The following ADAMTS2 variants were observed in gnomAD, a reference collection of about 807,000 sequenced individuals.
ADAMTS2 encodes A disintegrin and metalloproteinase with thrombospondin motifs 2.
A neutral mutation model predicts 123.0 loss-of-function variants in ADAMTS2; 50 were observed. The observed-to-expected ratio is 0.41, with a 90% confidence interval of 0.32 to 0.51. The LOEUF (loss-of-function observed/expected upper bound fraction) is 0.51. Ranked by LOEUF, ADAMTS2 falls within the 20% of genes least tolerant of loss-of-function variation. The pLI, the probability that ADAMTS2 is intolerant of heterozygous loss-of-function variation, is 0.35. For missense variants in ADAMTS2, 1,494 were observed against 1,705.2 expected, an observed-to-expected ratio of 0.88 and a Z score of 2.18; for synonymous variants, 678 against 695.4, an observed-to-expected ratio of 0.98 and a Z score of 0.39.
intron 5 of ADAMTS2, among the ~76,000 whole-genome samples, chr5:179,166,538 G>A (rs1020280060): frequency 6.6e-6 from 1 of 152,152 alleles, no homozygotes; most frequent in East Asian, 1.9e-4. Context: ...CAGGGGTCTG[G>A]GTAACCCCAC....
At position 179,192,338 on chromosome 5, in the gene ADAMTS2, C is replaced by T. The variant is rs573083212; in HGVS notation, c.892-11183G>A. The stretch of plus-strand genomic sequence containing the variant: ...GCCAGCGTATCCCTCCCTGAAAGCG[C>T]AGTCATGCAGGGTGCTTTCCAACAC... On this transcript the variant is annotated intron_variant, in intron 4 of 21. Coordinates refer to ENST00000251582, the MANE Select transcript of ADAMTS2 (RefSeq NM_014244.5). Among the ~76,000 whole-genome samples, 5 of 152,346 alleles carry T rather than the reference C, an allele frequency of 3.3e-5. No individual in the cohort carries two copies. In the East Asian group the frequency reaches 9.7e-4, roughly 29 times the overall value.
At chr5:179,135,880 G>GC (rs747872263) in intron 13 of ADAMTS2, 29 bp downstream of exon 13, 4 of 1,612,272 alleles carry the variant, frequency 2.5e-6, no homozygotes, top group South Asian at 2.2e-5. Context: ...TGACACGGTA[G>GC]CCCCCCGTGC....
chr5:179,254,027 C>T (rs1428991760), intron 3 of ADAMTS2, among the ~76,000 whole-genome samples: 3 of 152,204 alleles, frequency 2.0e-5, no homozygotes, highest in Non-Finnish European at 4.4e-5. Context: ...GGGCACAAGG[C>T]CACTTCAGTG....
chr5:179,221,143 G>A (rs1216509304), intron 3 of ADAMTS2, among the ~76,000 whole-genome samples: 1 of 152,172 alleles, frequency 6.6e-6, no homozygotes, highest in Non-Finnish European at 1.5e-5. Flanking sequence ...CTTCCTAGGA[G>A]GAAGAGTTCC....
chr5:179,126,851 A>G (rs1762869123), intron 17 of ADAMTS2, among the ~76,000 whole-genome samples: 1 of 152,060 alleles, frequency 6.6e-6, no homozygotes, highest in African/African-American at 2.4e-5. Flanking sequence ...AGGGCGGTGG[A>G]GGGGCTCAGG....
intron 2 of ADAMTS2, among the ~76,000 whole-genome samples, chr5:179,296,108 A>G (rs1196934078): frequency 1.3e-5 from 2 of 152,180 alleles, no homozygotes; most frequent in Non-Finnish European, 2.9e-5. Context: ...AGTGATGGTG[A>G]AGCAGGAGGA....
chr5:179,309,672 C>T lies in ADAMTS2; in HGVS notation c.534+34095G>A, dbSNP rs188194982. 4.0e-3 allele frequency among the ~76,000 whole-genome samples: 582 copies of T among 146,866 alleles called. 5 individuals carry two copies. The highest frequency in any genetic ancestry group is 0.014 in the African/African-American group (555 of 39,322). On this transcript the variant is annotated intron_variant, in intron 2 of 21. Coordinates refer to ENST00000251582, the MANE Select transcript of ADAMTS2 (RefSeq NM_014244.5). ...ACTCAGGAGGCTAAGGCAGGAGAAT[C>T]GCTTGAACCTGGGAGGCGGAGTTGC...
intron 2 of ADAMTS2, among the ~76,000 whole-genome samples, chr5:179,304,845 C>T (rs1756628049): frequency 6.6e-6 from 1 of 152,104 alleles, no homozygotes; most frequent in South Asian, 2.1e-4. Flanking sequence ...ACCAATTCAA[C>T]AGATCGGCAA....
In ADAMTS2 at chr5:179,314,963, C is replaced by T. The variant is rs1756944653; in HGVS notation, c.534+28804G>A. Among the ~76,000 whole-genome samples, 1 of 152,154 alleles carries T rather than the reference C, an allele frequency of 6.6e-6. No homozygotes were observed. Among genetic ancestry groups the T allele is most frequent in the African/African-American group, 2.4e-5 (1 of 41,432 alleles). Reference sequence around the variant, plus strand: ...CGACTCCCCTCCCAGAGCCTAATCACAGCCAGCTACGCCCCCTTCTCCCAG... The same window carrying T: ...CGACTCCCCTCCCAGAGCCTAATCATAGCCAGCTACGCCCCCTTCTCCCAG... On this transcript the variant is annotated intron_variant, in intron 2 of 21. Coordinates refer to ENST00000251582, the MANE Select transcript of ADAMTS2 (RefSeq NM_014244.5). The surrounding 1 kb of genome is among the most constrained non-coding windows in gnomAD (Gnocchi z 4.5).
Position 179,301,195 on chromosome 5 carries a change from G to T in ADAMTS2, c.535-28131C>A, listed in dbSNP as rs78912572. On this transcript the variant is annotated intron_variant, in intron 2 of 21. Coordinates refer to ENST00000251582, the MANE Select transcript of ADAMTS2 (RefSeq NM_014244.5). ...AGACAGCAGAGGGCATTGCTCAGGG[G>T]CCCAGCCTGGCTGTCATCCCTGAAC... Among the ~76,000 whole-genome samples, 1,243 of 152,012 alleles carry T rather than the reference G, an allele frequency of 8.2e-3. 15 individuals are homozygous for T. The highest frequency in any genetic ancestry group is 0.029 in the African/African-American group (1,194 of 41,442).
chr5:179,189,618 AAGTGCTGGG>A lies in ADAMTS2; in HGVS notation c.892-8472_892-8464del, dbSNP rs1335118815. 6.8e-6 allele frequency among the ~76,000 whole-genome samples: 1 copy of A among 147,328 alleles called. No individual in the cohort carries two copies. The highest frequency in any genetic ancestry group is 1.5e-5 in the Non-Finnish European group (1 of 67,258). On this transcript the variant is annotated intron_variant, in intron 4 of 21. Transcript: ENST00000251582. The surrounding 1 kb of genome is among the most constrained non-coding windows in gnomAD (Gnocchi z 4.2). ...ATGATCTGCCCGCCTCGGCCTCCCAAAGTGCTGGGATTACAGGCGTGAGCCACCGCGCCC... is the reference window on the plus strand; with the variant it reads ...ATGATCTGCCCGCCTCGGCCTCCCAAATTACAGGCGTGAGCCACCGCGCCC...
chr5:179,211,519 G>A (rs754815284), intron 3 of ADAMTS2, among the ~76,000 whole-genome samples: 1 of 152,194 alleles, frequency 6.6e-6, no homozygotes, highest in Non-Finnish European at 1.5e-5. Flanking sequence ...GCCCCTTTTG[G>A]ATGGCAGCTG....
intron 4 of ADAMTS2, among the ~76,000 whole-genome samples, chr5:179,196,775 T>A (rs1032837912): frequency 6.6e-6 from 1 of 152,248 alleles, no homozygotes. Flanking sequence ...TAGCACCTCA[T>A]AGTGAATGTT....
rs1275835437 is a variant in ADAMTS2, at chr5:179,153,371, G to A, written c.1515+120C>T. ...TGCAGAGGGACAGGCTGCCACTCTG[G>A]AGGGCCGCTCTGCCCTCCCCACACT... On this transcript the variant is annotated intron_variant, in intron 9 of 21. Coordinates refer to ENST00000251582, the MANE Select transcript of ADAMTS2 (RefSeq NM_014244.5). The A allele has an allele frequency of 3.4e-6, 5 of 1,484,842 alleles. No homozygotes were observed. The East Asian group carries it at 9.7e-5, about 29-fold the overall frequency. 92.0% of individuals were successfully genotyped at this position (1,484,842 alleles called of 1,614,324 possible). A position where few individuals can be genotyped will look rare whatever the true frequency, so the allele number is the denominator to read the frequency against.
intron 3 of ADAMTS2, among the ~76,000 whole-genome samples, chr5:179,227,230 A>G (rs1432539253): frequency 2.0e-5 from 3 of 152,150 alleles, no homozygotes; most frequent in South Asian, 4.2e-4. Flanking sequence ...AGGACAGCCA[A>G]TGGGAGGGGG....
At chr5:179,136,144 C>T (rs1327272596) in intron 12 of ADAMTS2, 102 bp from the exon 13 acceptor site, 13 of 1,563,632 alleles carry the variant, frequency 8.3e-6, no homozygotes, top group African/African-American at 5.4e-5. Context: ...AGGGTCCCCA[C>T]GTGGCCCACC....
Position 179,128,681 on chromosome 5 carries a change from C to T in ADAMTS2, c.2458-563G>A, listed in dbSNP as rs923421093. 6.6e-6 allele frequency among the ~76,000 whole-genome samples: 1 copy of T among 152,228 alleles called. No individual in the cohort carries two copies. The highest frequency in any genetic ancestry group is 2.4e-5 in the African/African-American group (1 of 41,460). Reference sequence around the variant, plus strand: ...GTACTGGGATTACAGGCATGAGCCACTGCGCCTGGCCTATGTGTGAGTCTG... The same window carrying T: ...GTACTGGGATTACAGGCATGAGCCATTGCGCCTGGCCTATGTGTGAGTCTG... On this transcript the variant is annotated intron_variant, in intron 16 of 21. Coordinates refer to ENST00000251582, the MANE Select transcript of ADAMTS2 (RefSeq NM_014244.5). This position sits in a 1 kb window ranked among gnomAD's most constrained non-coding sequence, Gnocchi z 4.9.
At chr5:179,184,509 TAAAAAAAAAAAAAA>T (rs554713153) in intron 4 of ADAMTS2, among the ~76,000 whole-genome samples, 3 of 91,416 alleles carry the variant, frequency 3.3e-5, no homozygotes, top group Non-Finnish European at 6.5e-5. Context: ...AGACTCTGTC[TAAAAAAAAAAAAAA>T]AAAAAAAAGA....
intron 4 of ADAMTS2, 43 bp downstream of exon 4, chr5:179,207,470 G>GTCCC: frequency 2.2e-5 from 29 of 1,323,536 alleles, no homozygotes; most frequent in Admixed American, 5.1e-5. Flanking sequence ...GCCCCTGGTT[G>GTCCC]ACCCTCCCCG....
Sources: gnomAD v4.1 joint callset for allele counts (sites outside exome capture counted in the v4.1 genomes callset) on GRCh38, gnomAD v4.1.1 for gene constraint, Gnocchi (gnomAD v3.1) non-coding constraint, MANE v1.5 for transcripts, NCBI Gene and HGNC (gene_info 2026-07-23, HGNC 2026-07-21) for gene names.